PDE8B: variants seen among roughly 807,000 people sequenced by gnomAD.
The protein encoded by PDE8B is phosphodiesterase 8B.
Under a neutral mutation model 101.3 loss-of-function variants are expected in PDE8B, and 26 were observed. The observed-to-expected ratio is 0.26, with a 90% CI of 0.19 to 0.36. The LOEUF (loss-of-function observed/expected upper bound fraction) is 0.36, where lower values mean the gene tolerates loss of function less well. Among genes scored for constraint, PDE8B ranks in the 10% least tolerant of loss-of-function variants. PDE8B has a pLI of 1.00. For missense variants in PDE8B, 810 were observed against 1,163.1 expected (o/e 0.70, Z 4.42); for synonymous variants, 424 against 429.3 (o/e 0.99, Z 0.15).
chr5:77,347,171 T>C (rs1780301274), intron 7 of PDE8B, among the ~76,000 whole-genome samples: 1 of 152,256 alleles, frequency 6.6e-6, no homozygotes, highest in Non-Finnish European at 1.5e-5. Flanking sequence ...ACTTGCCATA[T>C]ACTAGGCTCA....
At chr5:77,377,976 T>A (rs192799737) in intron 10 of PDE8B, among the ~76,000 whole-genome samples, 1 of 149,272 alleles carries the variant, frequency 6.7e-6, no homozygotes, top group Non-Finnish European at 1.5e-5. Context: ...TATAATAAAC[T>A]CAGCTCGCTT....
At chr5:77,173,618 T>G in the PDE8B span, among the ~76,000 whole-genome samples, 1 of 151,324 alleles carries the variant, frequency 6.6e-6, no homozygotes, top group Non-Finnish European at 1.5e-5. Flanking sequence ...AATTTATCTA[T>G]ATTGCCCTCT....
At chr5:77,400,177 T>C in intron 10 of PDE8B, 71 bp from the exon 11 acceptor site, 1 of 1,042,528 alleles carries the variant, frequency 9.6e-7, no homozygotes, top group Non-Finnish European at 1.5e-6. Flanking sequence ...CTAAATTGTT[T>C]GATGAGAAAT....
rs74380640 is a variant in PDE8B at position 77,314,970 on chromosome 5, A to G, written c.399+2917A>G. 5.9e-3 allele frequency among the ~76,000 whole-genome samples: 891 copies of G among 151,560 alleles called. 5 individuals are homozygous for G. Among genetic ancestry groups the G allele is most frequent in the Middle Eastern group, 0.014 (4 of 294 alleles). ...TTATTTGTTTATTGGCCATTCCTCT[A>G]TTTTCTTTTGTGAAGCGTTTGGTCA... On this transcript the variant is annotated intron_variant, in intron 2 of 21. Coordinates refer to ENST00000264917, the MANE Select transcript of PDE8B (RefSeq NM_003719.5).
rs79870742 is a variant in PDE8B at position 77,375,101 on chromosome 5, G to A, written c.1167+21695G>A. On this transcript the variant is annotated intron_variant, in intron 10 of 21. Coordinates refer to ENST00000264917, the MANE Select transcript of PDE8B (RefSeq NM_003719.5). Reference sequence around the variant, plus strand: ...AACTTTTACAATAGCTGCCATATACGTGATGGTGTAGTCACTGTGCCATTG... The same window carrying A: ...AACTTTTACAATAGCTGCCATATACATGATGGTGTAGTCACTGTGCCATTG... Among the ~76,000 whole-genome samples, 1,062 of 152,314 alleles carry A rather than the reference G, an allele frequency of 7.0e-3. 12 individuals are homozygous for A. Among genetic ancestry groups the A allele is most frequent in the African/African-American group, 0.023 (954 of 41,558 alleles).
chr5:77,202,685 T>G, the PDE8B span, among the ~76,000 whole-genome samples: 1 of 151,724 alleles, frequency 6.6e-6, no homozygotes, highest in South Asian at 2.1e-4. Flanking sequence ...CAGGCTGGAG[T>G]GCAGTGGTGT....
At chr5:77,383,476 T>G (rs1787922310) in intron 10 of PDE8B, among the ~76,000 whole-genome samples, 1 of 152,240 alleles carries the variant, frequency 6.6e-6, no homozygotes, top group Non-Finnish European at 1.5e-5. Context: ...CCATTGTTTT[T>G]GACTAAATGG....
chr5:77,163,776 C>T, the PDE8B span, among the ~76,000 whole-genome samples: 1 of 152,164 alleles, frequency 6.6e-6, no homozygotes, highest in African/African-American at 2.4e-5. Context: ...TAGAAATTAA[C>T]AAAGTAAAGT....
intron 3 of PDE8B, among the ~76,000 whole-genome samples, chr5:77,327,159 T>G (rs1054902841): frequency 9.2e-5 from 14 of 152,122 alleles, no homozygotes; most frequent in Non-Finnish European, 1.6e-4. Flanking sequence ...GGGAGATGGG[T>G]GGGTGACACG....
the PDE8B span, among the ~76,000 whole-genome samples, chr5:77,102,114 C>A: frequency 4.3e-3 from 660 of 152,334 alleles, 4 homozygotes; most frequent in Middle Eastern, 0.014. Flanking sequence ...AGCTGCCCTC[C>A]CTGGTGCCCA....
intron 1 of PDE8B, among the ~76,000 whole-genome samples, chr5:77,218,601 A>G (rs917250335): frequency 6.6e-6 from 1 of 152,226 alleles, no homozygotes; most frequent in East Asian, 1.9e-4. Flanking sequence ...GAGCCTCGTG[A>G]GTGAGATTTT....
At chr5:77,300,573 G>A (rs1022858959) in intron 1 of PDE8B, among the ~76,000 whole-genome samples, 4 of 152,152 alleles carry the variant, frequency 2.6e-5, no homozygotes, top group Admixed American at 2.6e-4. Flanking sequence ...ATAATACAAG[G>A]AAGAAATATA....
chr5:77,096,847 C>T, the PDE8B span, among the ~76,000 whole-genome samples: 3 of 152,248 alleles, frequency 2.0e-5, no homozygotes, highest in East Asian at 5.8e-4. Flanking sequence ...TTAGGACCCA[C>T]CCTAATGGGT....
intron 10 of PDE8B, among the ~76,000 whole-genome samples, chr5:77,361,654 A>C (rs1008270637): frequency 1.3e-5 from 2 of 151,940 alleles, no homozygotes; most frequent in Non-Finnish European, 2.9e-5. Context: ...AGCTGGGACT[A>C]CAGGCGCCCG....
chr5:77,211,314 CG>C lies in PDE8B; in HGVS notation c.339+54del. 6.6e-7 allele frequency: 1 copy of C among 1,505,506 alleles called. No individual in the cohort carries two copies. The highest frequency in any genetic ancestry group is 8.8e-7 in the Non-Finnish European group (1 of 1,130,864). The allele number at this position is 1,505,506 out of a possible 1,614,324, so 93.3% of individuals were successfully genotyped here. Reference sequence around the variant, plus strand: ...CCGTGGGGGCCGTCCGCCCCGTCGGCGGGGCTCGCACGGGTAGGGGGCTCCG... The same window carrying C: ...CCGTGGGGGCCGTCCGCCCCGTCGGCGGGCTCGCACGGGTAGGGGGCTCCG... On this transcript the variant is annotated intron_variant, in intron 1 of 21. Coordinates refer to ENST00000264917, the MANE Select transcript of PDE8B (RefSeq NM_003719.5). This position sits in a 1 kb window ranked among gnomAD's most constrained non-coding sequence, Gnocchi z 4.1.
rs796589566 is a variant in PDE8B, at chr5:77,259,083, C to CA, written c.339+47819_339+47820insA. ...ACACACACACACCCCCGCCCCCCCC[C>CA]CACACACACACACGAATGTTTCTGC... is the stretch of plus-strand genomic sequence containing the variant. On this transcript the variant is annotated intron_variant, in intron 1 of 21. Coordinates refer to ENST00000264917, the MANE Select transcript of PDE8B (RefSeq NM_003719.5). 1.7e-4 allele frequency among the ~76,000 whole-genome samples: 15 copies of CA among 89,988 alleles called. 2 individuals are homozygous for CA. Among genetic ancestry groups the CA allele is most frequent in the African/African-American group, 6.0e-4 (13 of 21,572 alleles). The allele number at this position is 89,988 out of a possible 152,430, so 59.0% of individuals were successfully genotyped here.
chr5:77,290,502 G>C (rs912284031), intron 1 of PDE8B: 26 of 1,467,530 alleles, frequency 1.8e-5, no homozygotes, highest in Non-Finnish European at 2.5e-5. Context: ...AGATATTCCT[G>C]CTCCAAAACG....
chr5:77,289,025 G>A (rs931983947), intron 1 of PDE8B, among the ~76,000 whole-genome samples: 9 of 151,766 alleles, frequency 5.9e-5, no homozygotes, highest in East Asian at 1.9e-4. Flanking sequence ...CTCTTTCTTC[G>A]CTTCTCTTTT....
chr5:77,258,289 CAAAAAA>C (rs70988662), intron 1 of PDE8B, among the ~76,000 whole-genome samples: 1 of 88,578 alleles, frequency 1.1e-5, no homozygotes, highest in Non-Finnish European at 2.2e-5. Context: ...GACTCCATCT[CAAAAAA>C]AAAAAAAAAA....
Sources: gnomAD v4.1 joint callset for allele counts (sites outside exome capture counted in the v4.1 genomes callset) on GRCh38, gnomAD v4.1.1 for gene constraint, Gnocchi (gnomAD v3.1) non-coding constraint, MANE v1.5 for transcripts, NCBI Gene and HGNC (gene_info 2026-07-23, HGNC 2026-07-21) for gene names.